The following BICC1 variants were observed in gnomAD, a reference collection of about 807,000 sequenced individuals.
BICC1 encodes the protein BicC family RNA binding protein 1, also known as protein bicaudal C homolog 1.
A neutral mutation model predicts 111.0 loss-of-function variants in BICC1; 43 were observed. The observed-to-expected ratio is 0.39, with a 90% CI of 0.30 to 0.50. BICC1 has a LOEUF of 0.50. Among genes scored for constraint, BICC1 ranks in the 20% least tolerant of loss-of-function variants. The probability of loss-of-function intolerance (pLI) is 0.88; values close to 1 mark genes in which losing one functional copy is unlikely to be tolerated. For synonymous variants in BICC1, 467 were observed against 434.4 expected, an observed-to-expected ratio of 1.07 and a Z score of -0.93; for missense variants, 1,091 against 1,203.2, an observed-to-expected ratio of 0.91 and a Z score of 1.38.
At chr10:58,534,180 A>T (rs1225954036) in intron 1 of BICC1, among the ~76,000 whole-genome samples, 3 of 151,750 alleles carry the variant, frequency 2.0e-5, no homozygotes, top group African/African-American at 7.2e-5. Flanking sequence ...GAGGGCATTA[A>T]GTCTCCCCTT....
chr10:58,643,348 A>G (rs1421678299), intron 2 of BICC1, among the ~76,000 whole-genome samples: 1 of 152,332 alleles, frequency 6.6e-6, no homozygotes, highest in South Asian at 2.1e-4. Context: ...GCTCTTTGCT[A>G]TCTTCTTCCT....
chr10:58,722,215 T>A (rs1360594210), intron 3 of BICC1, among the ~76,000 whole-genome samples: 1 of 152,208 alleles, frequency 6.6e-6, no homozygotes, highest in Non-Finnish European at 1.5e-5. Context: ...CTTCAGCAAT[T>A]GGAACAGATG....
chr10:58,769,453 T>C lies in BICC1; in HGVS notation c.308-15548T>C, dbSNP rs866599685. Among the ~76,000 whole-genome samples the C allele has an allele frequency of 9.8e-4, 135 of 137,262 alleles. No homozygotes were observed. In the Middle Eastern group the frequency reaches 0.016, roughly 16 times the overall value. 90.0% of individuals were successfully genotyped at this position (137,262 alleles called of 152,430 possible). A position where few individuals can be genotyped will look rare whatever the true frequency, so the allele number is the denominator to read the frequency against. On this transcript the variant is annotated intron_variant, in intron 3 of 20. Coordinates refer to ENST00000373886, the MANE Select transcript of BICC1 (RefSeq NM_001080512.3). The stretch of plus-strand genomic sequence containing the variant: ...TCACAGTATATATCTTTAATAGATA[T>C]ACTTTTTATTTGTCAATCACTCCTA...
At chr10:58,695,083 A>C (rs1281561164) in intron 2 of BICC1, among the ~76,000 whole-genome samples, 1 of 152,216 alleles carries the variant, frequency 6.6e-6, no homozygotes, top group Non-Finnish European at 1.5e-5. Context: ...GTGAGGAATA[A>C]ATGGAAAATG....
intron 13 of BICC1, 122 bp downstream of exon 13, chr10:58,800,448 A>C (rs923652009): frequency 1.1e-6 from 1 of 887,542 alleles, no homozygotes; most frequent in East Asian, 2.8e-5. Context: ...ATCCTACCTC[A>C]ATTATGTGGA....
chr10:58,774,296 T>C (rs1842693961), intron 3 of BICC1, among the ~76,000 whole-genome samples: 1 of 152,234 alleles, frequency 6.6e-6, no homozygotes, highest in Admixed American at 6.5e-5. Flanking sequence ...GAAGGAACTT[T>C]TTTTTAGCTA....
intron 1 of BICC1, among the ~76,000 whole-genome samples, chr10:58,519,644 C>G (rs755066976): frequency 1.3e-5 from 2 of 152,068 alleles, no homozygotes; most frequent in Non-Finnish European, 2.9e-5. Context: ...CAGGCAGCCC[C>G]TGAACCAGAA....
intron 1 of BICC1, among the ~76,000 whole-genome samples, chr10:58,525,962 A>G (rs1229839158): frequency 6.6e-6 from 1 of 150,816 alleles, no homozygotes; most frequent in Non-Finnish European, 1.5e-5. Flanking sequence ...ATAGTTATGA[A>G]CTACCTAATA....
intron 3 of BICC1, among the ~76,000 whole-genome samples, chr10:58,731,978 C>T (rs9415578): frequency 1 from 151,930 of 152,312 alleles, 75,775 homozygotes; most frequent in Middle Eastern, 1. Flanking sequence ...ATCATTTGTG[C>T]GTTCACTGGA....
At chr10:58,790,504 T>G (rs1166202682) in intron 8 of BICC1, among the ~76,000 whole-genome samples, 2 of 152,192 alleles carry the variant, frequency 1.3e-5, no homozygotes, top group Admixed American at 6.5e-5. Flanking sequence ...TAATTTATAA[T>G]TGCAATATTT....
Position 58,702,133 on chromosome 10 carries a change from A to C in BICC1, c.297A>C (p.Lys99Asn), listed in dbSNP as rs563380297. Residue 99 changes from lysine (K) to asparagine (N), a missense_variant, in exon 3 of 21, where the codon AAA becomes AAC. By Grantham distance (94) the Lys-to-Asn change is moderately conservative (BLOSUM62 0). Transcript: ENST00000373886. ...CATCAAAACTGAAGATCGGAGCCAA[A>C]TCCAAGAAAGGTAAATTGTGAGAGG... ...AWPSKLKIGA[K>N]SKKDPHIKVS... 1.2e-6 allele frequency: 2 copies of C among 1,612,710 alleles called. No homozygotes were observed. The highest frequency in any genetic ancestry group is 2.2e-5 in the South Asian group (2 of 90,926).
intron 1 of BICC1, among the ~76,000 whole-genome samples, chr10:58,614,001 T>A (rs1845521603): frequency 6.6e-6 from 1 of 152,228 alleles, no homozygotes; most frequent in Non-Finnish European, 1.5e-5. Context: ...TTTAAATGCC[T>A]AATTTTATAT....
At chr10:58,613,871 A>G (rs1211992692) in intron 1 of BICC1, among the ~76,000 whole-genome samples, 1 of 152,206 alleles carries the variant, frequency 6.6e-6, no homozygotes, top group African/African-American at 2.4e-5. Flanking sequence ...GGCCTTGCCT[A>G]TTTTGATTCA....
intron 8 of BICC1, among the ~76,000 whole-genome samples, chr10:58,791,504 G>A (rs1194877330): frequency 2.6e-5 from 4 of 152,240 alleles, no homozygotes; most frequent in East Asian, 3.9e-4. Flanking sequence ...TTGGGAGGCC[G>A]AGGCAGGCGT....
At chr10:58,828,078 C>G (rs926019465) in intron 20 of BICC1, among the ~76,000 whole-genome samples, 2 of 152,142 alleles carry the variant, frequency 1.3e-5, no homozygotes, top group Admixed American at 1.3e-4. Context: ...ATGTGTTAAT[C>G]AACTTACTGG....
chr10:58,575,631 T>C (rs562639560), intron 1 of BICC1, among the ~76,000 whole-genome samples: 1 of 152,172 alleles, frequency 6.6e-6, no homozygotes, highest in East Asian at 1.9e-4. Flanking sequence ...CTATGTTGGG[T>C]AGGCTCTCCT....
At chr10:58,716,778 G>A (rs1328600363) in intron 3 of BICC1, among the ~76,000 whole-genome samples, 2 of 148,344 alleles carry the variant, frequency 1.3e-5, no homozygotes, top group Non-Finnish European at 2.9e-5. Context: ...GAGCTTTTAG[G>A]GTTGGGGGGG....
chr10:58,794,869 G>A (rs923881317), intron 9 of BICC1, among the ~76,000 whole-genome samples: 2 of 152,154 alleles, frequency 1.3e-5, no homozygotes, highest in Non-Finnish European at 2.9e-5. Flanking sequence ...ACCTGCAGTA[G>A]TTCTACTTCT....
intron 3 of BICC1, among the ~76,000 whole-genome samples, chr10:58,764,784 G>T (rs565764298): frequency 6.6e-6 from 1 of 151,974 alleles, no homozygotes; most frequent in Non-Finnish European, 1.5e-5. Context: ...CTGAAATTTA[G>T]GGACACTGAG....
Sources: allele counts gnomAD v4.1 joint callset (sites outside exome capture counted in the v4.1 genomes callset), GRCh38; gene constraint gnomAD v4.1.1; transcripts MANE v1.5; gene names NCBI Gene and HGNC (gene_info 2026-07-23, HGNC 2026-07-21).